The following SNX8 variants were observed in gnomAD, a reference collection of about 807,000 sequenced individuals.
SNX8 encodes the protein sorting nexin 8.
SNX8 carries 25 observed loss-of-function variants against 51.6 expected under a neutral mutation model. The ratio of observed to expected loss-of-function variants is 0.48; its 90% CI spans 0.35 to 0.68. The LOEUF is 0.68. Among genes scored for constraint, SNX8 ranks in the 30% least tolerant of loss-of-function variants. The probability of loss-of-function intolerance (pLI) is 0.00; values close to 1 mark genes in which losing one functional copy is unlikely to be tolerated. For synonymous variants in SNX8, 324 were observed against 277.0 expected (o/e 1.17, Z -1.68); for missense variants, 695 against 624.0 (o/e 1.11, Z -1.21).
At chr7:2,269,127 T>C (rs1795574716) in intron 5 of SNX8, among the ~76,000 whole-genome samples, 2 of 145,554 alleles carry the variant, frequency 1.4e-5, no homozygotes, top group South Asian at 4.5e-4. Flanking sequence ...ATCGGATGGT[T>C]GCCGTGTCTG....
intron 1 of SNX8, among the ~76,000 whole-genome samples, chr7:2,301,484 G>A (rs953666606): frequency 6.6e-6 from 1 of 152,250 alleles, no homozygotes; most frequent in African/African-American, 2.4e-5. Flanking sequence ...CAGAGGTCCT[G>A]CTCCTTGCAG....
intron 1 of SNX8, among the ~76,000 whole-genome samples, chr7:2,334,983 G>C (rs372906091): frequency 6.6e-6 from 1 of 151,374 alleles, no homozygotes; most frequent in Non-Finnish European, 1.5e-5. Context: ...ATGACCTGAC[G>C]TCAGGAGTTC....
chr7:2,348,389 G>A (rs1229075084), intron 1 of SNX8, among the ~76,000 whole-genome samples: 1 of 146,852 alleles, frequency 6.8e-6, no homozygotes, highest in Non-Finnish European at 1.5e-5. Flanking sequence ...CGCCCAGGCT[G>A]GAGTGCAGTG....
intron 10 of SNX8, among the ~76,000 whole-genome samples, chr7:2,255,492 C>T (rs1795154891): frequency 6.6e-6 from 1 of 152,252 alleles, no homozygotes; most frequent in South Asian, 2.1e-4. Context: ...CTCTAGCTGC[C>T]GTGCGGGCAC....
intron 1 of SNX8, among the ~76,000 whole-genome samples, chr7:2,329,768 C>T (rs1778695829): frequency 1.3e-5 from 2 of 151,764 alleles, no homozygotes; most frequent in Admixed American, 6.6e-5. Flanking sequence ...GGTATGGAAG[C>T]TCCACCGCCC....
At chr7:2,279,861 C>A (rs189552148) in intron 1 of SNX8, among the ~76,000 whole-genome samples, 1 of 151,780 alleles carries the variant, frequency 6.6e-6, no homozygotes, top group African/African-American at 2.4e-5. Context: ...TCAGTCTTAA[C>A]CTTGGGGAAG....
chr7:2,314,027 C>T (rs997055206), intron 1 of SNX8, among the ~76,000 whole-genome samples: 9 of 152,230 alleles, frequency 5.9e-5, no homozygotes, highest in African/African-American at 1.9e-4. Context: ...CCGAGGACGC[C>T]TCTGAGAGCC....
intron 1 of SNX8, among the ~76,000 whole-genome samples, chr7:2,336,200 G>A (rs1357576570): frequency 6.7e-6 from 1 of 148,696 alleles, no homozygotes; most frequent in Non-Finnish European, 1.5e-5. Flanking sequence ...TAGGGAATTC[G>A]AGACCAGCCT....
chr7:2,321,622 T>TA (rs1778515408), intron 1 of SNX8, among the ~76,000 whole-genome samples: 1 of 151,154 alleles, frequency 6.6e-6, no homozygotes, highest in African/African-American at 2.4e-5. Context: ...GAGACAAGGT[T>TA]TCACTGTGGT....
chr7:2,285,172 A>G (rs947318138), intron 1 of SNX8, among the ~76,000 whole-genome samples: 8 of 148,386 alleles, frequency 5.4e-5, no homozygotes, highest in Admixed American at 7.1e-5. Context: ...AGATGGCGCC[A>G]CTGCACTCCA....
chr7:2,327,574 A>AC (rs1466144130), intron 1 of SNX8, among the ~76,000 whole-genome samples: 5 of 152,030 alleles, frequency 3.3e-5, no homozygotes, highest in Non-Finnish European at 7.4e-5. Context: ...TGCCCGGCTA[A>AC]TTTTTTGTGT....
intron 5 of SNX8, among the ~76,000 whole-genome samples, chr7:2,268,253 A>G (rs1288554015): frequency 2.2e-5 from 3 of 134,204 alleles, no homozygotes; most frequent in Non-Finnish European, 3.2e-5. Context: ...GGAGGTGAGG[A>G]GCGTCTCTGC....
chr7:2,286,679 C>T (rs1489463935), intron 1 of SNX8, among the ~76,000 whole-genome samples: 1 of 151,454 alleles, frequency 6.6e-6, no homozygotes, highest in Non-Finnish European at 1.5e-5. Flanking sequence ...CCACCACATC[C>T]GGCTAATTTT....
At chr7:2,306,094 G>A (rs1176059328) in intron 1 of SNX8, among the ~76,000 whole-genome samples, 5 of 152,144 alleles carry the variant, frequency 3.3e-5, no homozygotes, top group Non-Finnish European at 7.4e-5. Context: ...CCAAAGCATT[G>A]GGATTACAGG....
intron 4 of SNX8, among the ~76,000 whole-genome samples, chr7:2,270,819 T>C (rs1795626944): frequency 6.6e-6 from 1 of 152,028 alleles, no homozygotes; most frequent in Non-Finnish European, 1.5e-5. Context: ...AGGGGGTGTC[T>C]TCCTGCAGCA....
intron 1 of SNX8, among the ~76,000 whole-genome samples, chr7:2,305,601 T>C (rs1796527518): frequency 6.6e-6 from 1 of 152,082 alleles, no homozygotes; most frequent in South Asian, 2.1e-4. Context: ...TGACCTCAGG[T>C]GATCCGCCTG....
At chr7:2,303,126 C>G (rs1369847604) in intron 1 of SNX8, among the ~76,000 whole-genome samples, 1 of 146,392 alleles carries the variant, frequency 6.8e-6, no homozygotes, top group Non-Finnish European at 1.5e-5. Context: ...GCCCCCCGCC[C>G]GGCCAGCCGC....
At chr7:2,317,395 A>G (rs1023622137), upstream of SNX8, among the ~76,000 whole-genome samples, 1 of 148,340 alleles carries the variant, frequency 6.7e-6, no homozygotes, top group Non-Finnish European at 1.5e-5. Context: ...CTCCTGTCTC[A>G]GCCTCCCGTG....
At chr7:2,284,970 T>C (rs939616561) in intron 1 of SNX8, among the ~76,000 whole-genome samples, 3 of 151,940 alleles carry the variant, frequency 2.0e-5, no homozygotes, top group Non-Finnish European at 2.9e-5. Flanking sequence ...CCCAGCACTT[T>C]TGGAGGCTGA....
Sources: allele counts gnomAD v4.1 joint callset (sites outside exome capture counted in the v4.1 genomes callset), GRCh38; gene constraint gnomAD v4.1.1; transcripts MANE v1.5; gene names NCBI Gene and HGNC (gene_info 2026-07-23, HGNC 2026-07-21).